The following MLLT3 variants were observed in gnomAD, a reference collection of about 807,000 sequenced individuals.
The protein encoded by MLLT3 is MLLT3 super elongation complex subunit.
MLLT3 carries 4 observed loss-of-function variants against 53.2 expected under a neutral mutation model. That is an observed-to-expected ratio of 0.08 (90% CI 0.04 to 0.17). MLLT3 has a LOEUF of 0.17. MLLT3 is among the 10% of genes least tolerant of loss of function. MLLT3 has a pLI of 1.00. For missense variants in MLLT3, 569 were observed against 684.0 expected, an observed-to-expected ratio of 0.83 and a Z score of 1.87; for synonymous variants, 283 against 230.6, an observed-to-expected ratio of 1.23 and a Z score of -2.06.
At chr9:20,468,237 G>T (rs1385556186) in intron 2 of MLLT3, among the ~76,000 whole-genome samples, 1 of 152,126 alleles carries the variant, frequency 6.6e-6, no homozygotes, top group Admixed American at 6.5e-5. Flanking sequence ...AAATATTAGA[G>T]AATTTTTTGG....
chr9:20,412,450 G>C (rs569054831), intron 5 of MLLT3, among the ~76,000 whole-genome samples: 6 of 151,926 alleles, frequency 3.9e-5, no homozygotes, highest in East Asian at 1.9e-4. Flanking sequence ...CCAAAATTTC[G>C]AGATTAGCTA....
At chr9:20,552,722 C>T (rs10121833) in intron 2 of MLLT3, among the ~76,000 whole-genome samples, 128,305 of 152,136 alleles carry the variant, frequency 0.84, 54,362 homozygotes, top group Middle Eastern at 0.94. Context: ...AACAATATAA[C>T]TGTTATCCAA....
At chr9:20,609,914 G>A (rs191002366) in intron 2 of MLLT3, among the ~76,000 whole-genome samples, 2 of 152,074 alleles carry the variant, frequency 1.3e-5, no homozygotes, top group East Asian at 3.9e-4. Context: ...TACTACTTAG[G>A]AAGAGTCAGA....
intron 2 of MLLT3, among the ~76,000 whole-genome samples, chr9:20,608,526 A>G (rs1173108675): frequency 6.6e-6 from 1 of 151,946 alleles, no homozygotes; most frequent in African/African-American, 2.4e-5. Flanking sequence ...TATAACTTCA[A>G]TACAAAATGT....
In MLLT3 at chr9:20,551,416, C is replaced by T. The variant is rs187783346; in HGVS notation, c.193+69238G>A. On this transcript the variant is annotated intron_variant, in intron 2 of 10. Coordinates refer to ENST00000380338, the MANE Select transcript of MLLT3 (RefSeq NM_004529.4). ...AGGTGATGTTTCATTTTCCCAACTT[C>T]CTTTTGGTAAATTATTACATGGACC... is the stretch of plus-strand genomic sequence containing the variant. Among the ~76,000 whole-genome samples, 559 of 152,286 alleles carry T rather than the reference C, an allele frequency of 3.7e-3. 13 individuals carry two copies. The highest frequency in any genetic ancestry group is 0.034 in the Admixed American group (523 of 15,304).
intron 2 of MLLT3, among the ~76,000 whole-genome samples, chr9:20,565,132 G>A (rs1490845259): frequency 6.8e-6 from 1 of 146,616 alleles, no homozygotes; most frequent in Non-Finnish European, 1.5e-5. Context: ...TGACTGATAT[G>A]TTTTTTTTTT....
chr9:20,496,092 T>G (rs529288981), intron 2 of MLLT3, among the ~76,000 whole-genome samples: 1 of 152,314 alleles, frequency 6.6e-6, no homozygotes, highest in Admixed American at 6.5e-5. Context: ...ACAGAATTTT[T>G]AACAAGATGC....
intron 2 of MLLT3, among the ~76,000 whole-genome samples, chr9:20,581,925 T>A (rs928187397): frequency 6.6e-6 from 1 of 152,182 alleles, no homozygotes; most frequent in Non-Finnish European, 1.5e-5. Context: ...TTCTCTCCTA[T>A]TTTTGAAACC....
At chr9:20,606,619 G>C (rs951575625) in intron 2 of MLLT3, among the ~76,000 whole-genome samples, 1 of 152,078 alleles carries the variant, frequency 6.6e-6, no homozygotes, top group Non-Finnish European at 1.5e-5. Context: ...GGTGGAGTTA[G>C]GAAAAATTCA....
chr9:20,471,994 G>A (rs1244776420), intron 2 of MLLT3, among the ~76,000 whole-genome samples: 1 of 151,896 alleles, frequency 6.6e-6, no homozygotes, highest in Non-Finnish European at 1.5e-5. Flanking sequence ...AAACTGTTAA[G>A]GTGAAATAAA....
intron 2 of MLLT3, among the ~76,000 whole-genome samples, chr9:20,467,133 G>A (rs558478415): frequency 1.2e-4 from 19 of 152,080 alleles, no homozygotes; most frequent in East Asian, 1.2e-3. Context: ...AGAGAGAACC[G>A]GATATTGGCA....
intron 2 of MLLT3, among the ~76,000 whole-genome samples, chr9:20,518,623 C>T (rs1269296046): frequency 1.3e-5 from 2 of 152,012 alleles, no homozygotes; most frequent in African/African-American, 4.8e-5. Context: ...ACAGATACCA[C>T]CTTAAACAAG....
intron 2 of MLLT3, among the ~76,000 whole-genome samples, chr9:20,539,646 G>A (rs143482584): frequency 1.3e-5 from 2 of 152,214 alleles, no homozygotes; most frequent in Non-Finnish European, 2.9e-5. Context: ...CCTCCCACTA[G>A]ATACCTCCCC....
chr9:20,522,625 G>C (rs376895490), intron 2 of MLLT3, among the ~76,000 whole-genome samples: 5 of 152,308 alleles, frequency 3.3e-5, no homozygotes, highest in East Asian at 3.9e-4. Flanking sequence ...GAAATCTGTA[G>C]TGTAGTGTAA....
intron 2 of MLLT3, among the ~76,000 whole-genome samples, chr9:20,580,719 G>A (rs1819769608): frequency 6.6e-6 from 1 of 152,110 alleles, no homozygotes; most frequent in Admixed American, 6.5e-5. Context: ...TCACAAACAT[G>A]GCTAGAGGTA....
intron 5 of MLLT3, among the ~76,000 whole-genome samples, chr9:20,371,582 A>G (rs1821602915): frequency 6.6e-6 from 1 of 152,238 alleles, no homozygotes; most frequent in Non-Finnish European, 1.5e-5. Flanking sequence ...ACATCTGCCT[A>G]CAGCATGGTT....
rs893117495 is a variant in MLLT3, at chr9:20,342,065, C to G, written c.*4378G>C. On this transcript the variant is annotated 3_prime_UTR_variant, in exon 11 of 11. Transcript: ENST00000380338. ...TGTCCTCTCTCTGGATGTCTCAGAT[C>G]TCCCCATCTATTCTTCTTTAGAAAC... 9.5e-6 allele frequency: 2 copies of G among 211,548 alleles called. No homozygotes were observed. Among genetic ancestry groups the G allele is most frequent in the African/African-American group, 4.5e-5 (2 of 44,040 alleles). The allele number at this position is 211,548 out of a possible 1,614,324, so 13.1% of individuals were successfully genotyped here.
intron 2 of MLLT3, among the ~76,000 whole-genome samples, chr9:20,600,114 G>A (rs1397684304): frequency 3.0e-5 from 4 of 135,332 alleles, no homozygotes; most frequent in Non-Finnish European, 4.6e-5. Context: ...CATTTCACTT[G>A]CAATGTTGTC....
chr9:20,483,361 G>A (rs533208685), intron 2 of MLLT3, among the ~76,000 whole-genome samples: 5 of 151,378 alleles, frequency 3.3e-5, no homozygotes, highest in South Asian at 2.1e-4. Flanking sequence ...TCTCAGCCTC[G>A]CAAGTAGCTG....
Sources: allele counts gnomAD v4.1 joint callset (sites outside exome capture counted in the v4.1 genomes callset), GRCh38; gene constraint gnomAD v4.1.1; transcripts MANE v1.5; gene names NCBI Gene and HGNC (gene_info 2026-07-23, HGNC 2026-07-21).